The following TEX36 variants were observed in gnomAD, a reference collection of about 807,000 sequenced individuals.
TEX36 encodes testis expressed 36.
A neutral mutation model predicts 13.6 loss-of-function variants in TEX36; 12 were observed. The ratio of observed to expected loss-of-function variants is 0.88; its 90% CI spans 0.56 to 1.43. The LOEUF (loss-of-function observed/expected upper bound fraction) is 1.43, where lower values mean the gene tolerates loss of function less well. Among genes scored for constraint, TEX36 ranks in the 40% most tolerant of loss-of-function variants. The pLI is 0.00. For synonymous variants in TEX36, 93 were observed against 83.0 expected (o/e 1.12, Z -0.65); for missense variants, 224 against 228.3 (o/e 0.98, Z 0.12).
At chr10:125,586,915 A>G (rs1845960540) in intron 3 of TEX36, among the ~76,000 whole-genome samples, 2 of 152,072 alleles carry the variant, frequency 1.3e-5, no homozygotes, top group South Asian at 4.1e-4. Context: ...GGTGATTGGA[A>G]AGGTGGTTTC....
intron 3 of TEX36, chr10:125,640,066 C>T (rs1217662731): frequency 1.4e-6 from 1 of 693,764 alleles, no homozygotes; most frequent in East Asian, 1.3e-4. Flanking sequence ...ACTTATTATC[C>T]CGTCAGTAGC....
At chr10:125,623,627 C>T (rs1176321330) in intron 3 of TEX36, among the ~76,000 whole-genome samples, 1 of 151,608 alleles carries the variant, frequency 6.6e-6, no homozygotes, top group Non-Finnish European at 1.5e-5. Flanking sequence ...CAACCAAACC[C>T]TGCACAGCCC....
At chr10:125,590,015 A>G (rs950337836) in intron 3 of TEX36, among the ~76,000 whole-genome samples, 12 of 152,164 alleles carry the variant, frequency 7.9e-5, no homozygotes, top group African/African-American at 2.9e-4. Context: ...CACAACTACA[A>G]TCATGTGTCT....
intron 3 of TEX36, among the ~76,000 whole-genome samples, chr10:125,616,012 G>A (rs1053364448): frequency 6.6e-6 from 1 of 152,128 alleles, no homozygotes; most frequent in African/African-American, 2.4e-5. Context: ...TTAGTCTTGG[G>A]AAAGTGTATG....
downstream of TEX36, among the ~76,000 whole-genome samples, chr10:125,618,079 C>A (rs1382829422): frequency 6.8e-6 from 1 of 146,566 alleles, no homozygotes; most frequent in African/African-American, 2.5e-5. Context: ...TTGATCGCAT[C>A]GGCTCCTGAG....
chr10:125,584,871 G>A (rs1565166751), intron 3 of TEX36, among the ~76,000 whole-genome samples: 1 of 152,190 alleles, frequency 6.6e-6, no homozygotes, highest in Non-Finnish European at 1.5e-5. Context: ...AGCAGCCTGA[G>A]AGGACTACTA....
At chr10:125,635,109 G>C (rs1320311943) in intron 3 of TEX36, among the ~76,000 whole-genome samples, 3 of 152,164 alleles carry the variant, frequency 2.0e-5, no homozygotes, top group African/African-American at 4.8e-5. Flanking sequence ...TCTACCAATA[G>C]TGCATGAGAA....
At chr10:125,619,942 G>A (rs769656576), downstream of TEX36, among the ~76,000 whole-genome samples, 37 of 151,802 alleles carry the variant, frequency 2.4e-4, no homozygotes, top group Admixed American at 9.8e-4. Context: ...ATGTATCATT[G>A]TAAAAATTTT....
At chr10:125,610,997 C>T (rs768711990) in intron 3 of TEX36, among the ~76,000 whole-genome samples, 1 of 152,096 alleles carries the variant, frequency 6.6e-6, no homozygotes, top group South Asian at 2.1e-4. Flanking sequence ...TTCTGGCCTC[C>T]CTATGAATTT....
At chr10:125,664,688 G>T (rs1847096939) in intron 1 of TEX36, among the ~76,000 whole-genome samples, 1 of 152,102 alleles carries the variant, frequency 6.6e-6, no homozygotes, top group South Asian at 2.1e-4. Flanking sequence ...TGCCATGATT[G>T]TAAGTTTCCT....
At position 125,599,167 on chromosome 10, in the gene TEX36, T is replaced by C. The variant is rs988367216; in HGVS notation, c.265-22293A>G. Among the ~76,000 whole-genome samples the C allele has an allele frequency of 5.3e-5, 8 of 152,102 alleles. No individual in the cohort carries two copies. The South Asian group carries it at 6.2e-4, about 12-fold the overall frequency. Reference sequence around the variant, plus strand: ...ACCACATTAAGGAAGATTTGGAAAATGGAAGAAGAAAAAGAAAAACACCTA... The same window carrying C: ...ACCACATTAAGGAAGATTTGGAAAACGGAAGAAGAAAAAGAAAAACACCTA... On this transcript the variant is annotated intron_variant, in intron 3 of 3. Coordinates refer to the TEX36 transcript ENST00000532135.
At position 125,655,894 on chromosome 10, in the gene TEX36, G is replaced by A; in HGVS notation, c.*6C>T. Reference sequence around the variant, plus strand: ...TACAAAATTCATCAAAAATCTTCTGGGAGGATTAGGACTCCAGTGAAGAAA... The same window carrying A: ...TACAAAATTCATCAAAAATCTTCTGAGAGGATTAGGACTCCAGTGAAGAAA... On this transcript the variant is annotated 3_prime_UTR_variant, in exon 4 of 4. Coordinates refer to ENST00000368821, the MANE Select transcript of TEX36 (RefSeq NM_001128202.3). 1 of 1,478,046 alleles carries A rather than the reference G, an allele frequency of 6.8e-7. No individual in the cohort carries two copies. Among genetic ancestry groups the A allele is most frequent in the Non-Finnish European group, 9.0e-7 (1 of 1,110,110 alleles). The allele number at this position is 1,478,046 out of a possible 1,614,324, so 91.6% of individuals were successfully genotyped here.
In TEX36 at chr10:125,661,008, A is replaced by C; in HGVS notation, c.264+13T>G. On this transcript the variant is annotated intron_variant, in intron 3 of 3. Coordinates refer to ENST00000368821, the MANE Select transcript of TEX36 (RefSeq NM_001128202.3). Reference sequence around the variant, plus strand: ...TTCCCTGTTTTATTAATAATTTGGAAAGAAATACTCACGGAGTCAAGGTAG... The same window carrying C: ...TTCCCTGTTTTATTAATAATTTGGACAGAAATACTCACGGAGTCAAGGTAG... 6.5e-7 allele frequency: 1 copy of C among 1,547,310 alleles called. No individual in the cohort carries two copies. The highest frequency in any genetic ancestry group is 8.7e-7 in the Non-Finnish European group (1 of 1,142,942).
chr10:125,635,580 G>A (rs1003898849), intron 3 of TEX36, among the ~76,000 whole-genome samples: 1 of 152,162 alleles, frequency 6.6e-6, no homozygotes, highest in African/African-American at 2.4e-5. Context: ...TCGTGCTGGG[G>A]TGCGAAGGTA....
chr10:125,577,877 C>T lies in TEX36; in HGVS notation c.265-1003G>A, dbSNP rs181587652. 4.8e-4 allele frequency among the ~76,000 whole-genome samples: 73 copies of T among 151,950 alleles called. 1 individual carries two copies. The highest frequency in any genetic ancestry group is 1.8e-3 in the African/African-American group (73 of 41,466). On this transcript the variant is annotated intron_variant, in intron 3 of 3. Coordinates refer to the TEX36 transcript ENST00000532135. ...AGGAGTACTGACTTTTTTTGGTTTC[C>T]GGGGGAATGTGAGCAAAGAGAGGAG...
chr10:125,612,625 T>C (rs1466642863), intron 3 of TEX36, among the ~76,000 whole-genome samples: 1 of 152,176 alleles, frequency 6.6e-6, no homozygotes, highest in Non-Finnish European at 1.5e-5. Flanking sequence ...CTTGGTTCAT[T>C]GGGCAACTGT....
At chr10:125,639,646 T>C (rs1346291999) in intron 3 of TEX36, among the ~76,000 whole-genome samples, 2 of 152,148 alleles carry the variant, frequency 1.3e-5, no homozygotes, top group Non-Finnish European at 2.9e-5. Flanking sequence ...TGTGGCCATA[T>C]TAAGGAATGA....
intron 3 of TEX36, among the ~76,000 whole-genome samples, chr10:125,625,524 A>C (rs182026221): frequency 3.0e-4 from 45 of 152,362 alleles, no homozygotes; most frequent in African/African-American, 9.9e-4. Context: ...AATTGTGTGT[A>C]GTAAAACCTC....
chr10:125,615,869 C>G (rs1214674096), intron 3 of TEX36, among the ~76,000 whole-genome samples: 1 of 151,964 alleles, frequency 6.6e-6, no homozygotes, highest in African/African-American at 2.4e-5. Context: ...TACCAGTTCC[C>G]CCTGGTACCT....
Sources: allele counts gnomAD v4.1 joint callset (sites outside exome capture counted in the v4.1 genomes callset), GRCh38; gene constraint gnomAD v4.1.1; transcripts MANE v1.5; gene names NCBI Gene and HGNC (gene_info 2026-07-23, HGNC 2026-07-21).